Variants in KLHL42 observed in about 807,000 individuals in gnomAD.
KLHL42 encodes the protein kelch-like protein 42.
Under a neutral mutation model 32.7 loss-of-function variants are expected in KLHL42, and 27 were observed. That is an observed-to-expected ratio of 0.83 (90% confidence interval 0.61 to 1.14). The LOEUF (loss-of-function observed/expected upper bound fraction) is 1.14. Ranked by LOEUF, KLHL42 falls within the 50% of genes most tolerant of loss-of-function variation. The pLI is 0.00. For missense variants in KLHL42, 491 were observed against 560.8 expected (o/e 0.88, Z 1.26); for synonymous variants, 267 against 248.2 (o/e 1.08, Z -0.71).
chr12:27,793,747 A>G (rs2062207642), intron 2 of KLHL42, among the ~76,000 whole-genome samples: 1 of 152,198 alleles, frequency 6.6e-6, no homozygotes, highest in African/African-American at 2.4e-5. Context: ...GAAAAGGTGT[A>G]ACCTGGCTCT....
intron 2 of KLHL42, among the ~76,000 whole-genome samples, chr12:27,792,539 T>A (rs778812380): frequency 6.6e-6 from 1 of 152,198 alleles, no homozygotes; most frequent in African/African-American, 2.4e-5. Context: ...TTATTTATTT[T>A]TTGAGATGGA....
intron 1 of KLHL42, among the ~76,000 whole-genome samples, chr12:27,786,345 A>G (rs779683079): frequency 2.6e-5 from 4 of 152,230 alleles, no homozygotes; most frequent in Non-Finnish European, 2.9e-5. Flanking sequence ...TAAGCCCAGC[A>G]TTCTTCTAGT....
intron 2 of KLHL42, chr12:27,797,238 T>A: frequency 2.2e-6 from 1 of 456,400 alleles, no homozygotes; most frequent in Non-Finnish European, 4.4e-6. Flanking sequence ...GTTGTGTCCT[T>A]TTCACTAGAC....
chr12:27,797,779 T>G lies in KLHL42; in HGVS notation c.1131T>G (p.Cys377Trp). Residue 377 changes from cysteine to tryptophan, a missense_variant, in exon 3 of 3, where the codon TGT (cysteine) becomes TGG (tryptophan). Transcript: ENST00000381271. ...SSDMWTLFET[C>W]DVHIRKQQMV... ...ACATGTGGACGCTCTTTGAAACATG[T>G]GACGTCCACATTCGCAAGCAGCAGA... 1 of 750,994 alleles carries G rather than the reference T, an allele frequency of 1.3e-6. No individual in the cohort carries two copies. Among genetic ancestry groups the G allele is most frequent in the Non-Finnish European group, 2.5e-6 (1 of 400,606 alleles). 46.5% of individuals were successfully genotyped at this position (750,994 alleles called of 1,614,324 possible). A position where few individuals can be genotyped will look rare whatever the true frequency, so the allele number is the denominator to read the frequency against.
chr12:27,791,113 A>ACCT (rs1388654180), intron 1 of KLHL42, among the ~76,000 whole-genome samples: 1 of 151,930 alleles, frequency 6.6e-6, no homozygotes, highest in East Asian at 1.9e-4. Context: ...TTCAGTGCTG[A>ACCT]CCTCTCCCCA....
intron 1 of KLHL42, among the ~76,000 whole-genome samples, chr12:27,785,849 A>G (rs1178044450): frequency 2.0e-5 from 3 of 152,246 alleles, no homozygotes; most frequent in African/African-American, 7.2e-5. Flanking sequence ...TTGTAATAAA[A>G]GTTAATGTAT....
chr12:27,783,274 T>A (rs1327204232), intron 1 of KLHL42, among the ~76,000 whole-genome samples: 1 of 151,178 alleles, frequency 6.6e-6, no homozygotes, highest in African/African-American at 2.4e-5. Context: ...GAAAAGGAGG[T>A]AGAGGAAGGG....
intron 1 of KLHL42, among the ~76,000 whole-genome samples, chr12:27,782,631 C>G (rs2062153946): frequency 6.6e-6 from 1 of 152,180 alleles, no homozygotes; most frequent in South Asian, 2.1e-4. Flanking sequence ...ACTCCTCTTG[C>G]ATTCCTCTAG....
rs368325485 is a variant in KLHL42, at chr12:27,780,322, C to T, written c.-9C>T. The T allele has an allele frequency of 3.0e-5, 47 of 1,552,192 alleles. No individual in the cohort carries two copies. Among genetic ancestry groups the T allele is most frequent in the Admixed American group, 1.7e-4 (9 of 53,076 alleles). On this transcript the variant is annotated 5_prime_UTR_variant, in exon 1 of 3. Coordinates refer to ENST00000381271, the MANE Select transcript of KLHL42 (RefSeq NM_020782.2). The surrounding 1 kb of genome is among the most constrained non-coding windows in gnomAD (Gnocchi z 8.8). ...GGCGGTGAGCGCTGCCGCCCCGGGGCCCCCAGCCATGTCGGCCGAGGAGAT... is the reference window on the plus strand; with the variant it reads ...GGCGGTGAGCGCTGCCGCCCCGGGGTCCCCAGCCATGTCGGCCGAGGAGAT...
chr12:27,788,560 T>G (rs941563322), intron 1 of KLHL42, among the ~76,000 whole-genome samples: 1 of 152,290 alleles, frequency 6.6e-6, no homozygotes, highest in South Asian at 2.1e-4. Context: ...AAGAGCTTTT[T>G]AAGCCACGCA....
intron 2 of KLHL42, among the ~76,000 whole-genome samples, chr12:27,795,117 C>T (rs1030688885): frequency 6.6e-6 from 1 of 152,078 alleles, no homozygotes; most frequent in African/African-American, 2.4e-5. Flanking sequence ...AGTTATTTAC[C>T]TATGAGCAAT....
At chr12:27,795,631 A>G (rs1440902951) in intron 2 of KLHL42, among the ~76,000 whole-genome samples, 1 of 33,058 alleles carries the variant, frequency 3.0e-5, no homozygotes, top group Admixed American at 1.7e-4. Flanking sequence ...GTTAGGAAAA[A>G]AAGAAAAAGT....
intron 2 of KLHL42, among the ~76,000 whole-genome samples, chr12:27,793,749 C>T (rs748429835): frequency 6.6e-6 from 1 of 152,142 alleles, no homozygotes; most frequent in Non-Finnish European, 1.5e-5. Context: ...AAAGGTGTAA[C>T]CTGGCTCTTA....
chr12:27,790,100 A>G (rs2062189821), intron 1 of KLHL42, among the ~76,000 whole-genome samples: 1 of 152,166 alleles, frequency 6.6e-6, no homozygotes, highest in Non-Finnish European at 1.5e-5. Flanking sequence ...GTGTGTGCAT[A>G]GCCTCTACCT....
intron 1 of KLHL42, among the ~76,000 whole-genome samples, chr12:27,785,158 C>T (rs982192627): frequency 5.9e-5 from 9 of 152,088 alleles, no homozygotes; most frequent in South Asian, 4.2e-4. Flanking sequence ...GTTACTTCTA[C>T]GGGGAAGGGA....
chr12:27,794,927 A>G (rs1230650557), intron 2 of KLHL42, among the ~76,000 whole-genome samples: 11 of 151,528 alleles, frequency 7.3e-5, no homozygotes, highest in Admixed American at 7.2e-4. Flanking sequence ...AAAAAAAAAG[A>G]AACTTAGTAG....
chr12:27,781,007 C>T lies in KLHL42; in HGVS notation c.677C>T (p.Thr226Ile). ...TCCATGCTCAGGTACGAGGAGATGA[C>T]TGAGCGTTGGTTCCCGCTGGCCAAC... ...PPSMLRYEEMTERWFPLANNL... is the reference protein window; with the variant it reads ...PPSMLRYEEMIERWFPLANNL... The change falls in exon 1 of 3, where the codon ACT (threonine) becomes ATT (isoleucine). Residue 226 changes from threonine (T) to isoleucine (I), a missense_variant. Transcript: ENST00000381271. 6.2e-7 allele frequency: 1 copy of T among 1,609,864 alleles called. No homozygotes were observed. The highest frequency in any genetic ancestry group is 8.5e-7 in the Non-Finnish European group (1 of 1,177,426).
chr12:27,795,903 A>G (rs1327830022), intron 2 of KLHL42, among the ~76,000 whole-genome samples: 1 of 152,204 alleles, frequency 6.6e-6, no homozygotes, highest in African/African-American at 2.4e-5. Context: ...GAAAACATTT[A>G]CAGAACACCT....
chr12:27,790,481 A>G (rs771187828), intron 1 of KLHL42, among the ~76,000 whole-genome samples: 5 of 152,186 alleles, frequency 3.3e-5, no homozygotes, highest in African/African-American at 4.8e-5. Flanking sequence ...ACCTCACAGC[A>G]GACTGACCCA....
Sources: allele counts gnomAD v4.1 joint callset (sites outside exome capture counted in the v4.1 genomes callset), GRCh38; gene constraint gnomAD v4.1.1; non-coding constraint Gnocchi (gnomAD v3.1); transcripts MANE v1.5; gene names NCBI Gene and HGNC (gene_info 2026-07-23, HGNC 2026-07-21).